The following FLG2 variants were observed in gnomAD, a reference collection of about 807,000 sequenced individuals.
The protein encoded by FLG2 is filaggrin 2.
Under a neutral mutation model 3.9 loss-of-function variants are expected in FLG2, and 7 were observed. That is an observed-to-expected ratio of 1.79 (90% confidence interval 1.02 to 3.36). FLG2 has a LOEUF of 3.36. FLG2 is among the 30% of genes most tolerant of loss of function. The pLI is 0.00. For missense variants in FLG2, 2,700 were observed against 2,809.4 expected (o/e 0.96, Z 0.88); for synonymous variants, 1,031 against 1,056.1 (o/e 0.98, Z 0.46).
rs146476481 is a variant in FLG2 at position 152,352,505 on chromosome 1, A to G, written c.5281T>C (p.Ser1761Pro). ...QARSQHGESE[S>P]IVHERHGTIH... is the part of the protein sequence containing the mutation. Reference sequence around the variant, plus strand: ...GTTCCATGTCTCTCATGAACTATGGATTCTGACTCTCCATGTTGAGATCTG... The same window carrying G: ...GTTCCATGTCTCTCATGAACTATGGGTTCTGACTCTCCATGTTGAGATCTG... Residue 1761 changes from serine to proline, a missense_variant, in exon 3 of 3, where the codon TCC becomes CCC. Coordinates refer to ENST00000388718, the MANE Select transcript of FLG2 (RefSeq NM_001014342.3). 6.1e-5 allele frequency: 99 copies of G among 1,612,504 alleles called. No homozygotes were observed. Among genetic ancestry groups the G allele is most frequent in the Non-Finnish European group, 7.5e-5 (89 of 1,179,732 alleles).
chr1:152,355,790 A>T lies in FLG2; in HGVS notation c.1996T>A (p.Ser666Thr). The change falls in exon 3 of 3, where the codon TCT becomes ACT. Residue 666 changes from serine to threonine, a missense_variant. Physicochemically the swap from Ser to Thr is moderately conservative, Grantham distance 58. Coordinates refer to ENST00000388718, the MANE Select transcript of FLG2 (RefSeq NM_001014342.3). ...GQYGSGSGQS[S>T]GFGQHVSGSG... The stretch of plus-strand genomic sequence containing the variant: ...CCAGAAACATGTTGTCCAAAGCCAG[A>T]GGACTGACCTGAGCCTGATCCATAT... 1 of 1,613,168 alleles carries T rather than the reference A, an allele frequency of 6.2e-7. No homozygotes were observed. The highest frequency in any genetic ancestry group is 8.5e-7 in the Non-Finnish European group (1 of 1,179,834).
At position 152,356,292 on chromosome 1, in the gene FLG2, G is replaced by A. The variant is rs749004989; in HGVS notation, c.1494C>T (p.Gly498=). 46 of 1,613,732 alleles carry A rather than the reference G, an allele frequency of 2.9e-5. No individual in the cohort carries two copies. The highest frequency in any genetic ancestry group is 3.9e-5 in the Non-Finnish European group (46 of 1,179,970). ...GTCCAAAGCCAGAGGACTGACCTGA[G>A]CCTGACCCACATTGTCCAAAGCCAG... is the stretch of plus-strand genomic sequence containing the variant. The part of the protein sequence containing the change: ...QSSGFGQCGS[G]SGQSSGFGQH... Residue 498 remains glycine, a synonymous_variant, in exon 3 of 3, where the codon GGC becomes GGT. Coordinates refer to ENST00000388718, the MANE Select transcript of FLG2 (RefSeq NM_001014342.3).
intron 2 of FLG2, 102 bp from the exon 3 acceptor site, chr1:152,357,749 T>G (rs1183041422): frequency 4.8e-6 from 4 of 831,084 alleles, no homozygotes; most frequent in African/African-American, 1.7e-5. Context: ...TTTGACATGA[T>G]GTAGTTTTAG....
At position 152,351,506 on chromosome 1, in the gene FLG2, C is replaced by A. The variant is rs1438899070; in HGVS notation, c.6280G>T (p.Gly2094Trp). 2 of 1,612,182 alleles carry A rather than the reference C, an allele frequency of 1.2e-6. No individual in the cohort carries two copies. Among genetic ancestry groups the A allele is most frequent in the Admixed American group, 1.7e-5 (1 of 59,818 alleles). The change falls in exon 3 of 3, where the codon GGG (glycine) becomes TGG (tryptophan). Residue 2094 changes from glycine to tryptophan, a missense_variant. Coordinates refer to ENST00000388718, the MANE Select transcript of FLG2 (RefSeq NM_001014342.3). ...CCCCTTCTTCCAGCTGTCCTTGACC[C>A]TCTCTGTGTGGACTGTCCATGACCA... ...HSGHGQSTQR[G>W]SRTAGRRGSG...
Position 152,356,304 on chromosome 1 carries a change from T to C in FLG2, c.1482A>G (p.Gln494=), listed in dbSNP as rs771722326. The change falls in exon 3 of 3, where the codon CAA becomes CAG. Residue 494 remains glutamine (Q), a synonymous_variant. Coordinates refer to ENST00000388718, the MANE Select transcript of FLG2 (RefSeq NM_001014342.3). ...AGGACTGACCTGAGCCTGACCCACA[T>C]TGTCCAAAGCCAGAGGACTGACCTG... ...SGSGQSSGFG[Q]CGSGSGQSSG... is the part of the protein sequence containing the mutation. 2.5e-6 allele frequency: 4 copies of C among 1,613,952 alleles called. No individual in the cohort carries two copies. The highest frequency in any genetic ancestry group is 2.2e-5 in the South Asian group (2 of 91,060).
rs1654216282 is a variant in FLG2 at position 152,356,042 on chromosome 1, G to T, written c.1744C>A (p.Gln582Lys). The T allele has an allele frequency of 6.2e-7, 1 of 1,613,674 alleles. No individual in the cohort carries two copies. The highest frequency in any genetic ancestry group is 8.5e-7 in the Non-Finnish European group (1 of 1,179,952). ...GACTGACCTGAGCCCGATCCATATT[G>T]GCCAAAGCCAGTGGATTGACCTGAG... Reference protein sequence around the residue: ...LGSGQSTGFGQYGSGSGQSSG... With the variant: ...LGSGQSTGFGKYGSGSGQSSG... The change falls in exon 3 of 3, where the codon CAA becomes AAA. Residue 582 changes from glutamine (Q) to lysine (K), a missense_variant. Gln to Lys is a moderately conservative substitution (Grantham distance 53). Transcript: ENST00000388718.
At position 152,357,370 on chromosome 1, in the gene FLG2, T is replaced by G; in HGVS notation, c.416A>C (p.Glu139Ala). 2 of 1,614,162 alleles carry G rather than the reference T, an allele frequency of 1.2e-6. No homozygotes were observed. Among genetic ancestry groups the G allele is most frequent in the Non-Finnish European group, 1.7e-6 (2 of 1,180,030 alleles). The change falls in exon 3 of 3, where the codon GAG (glutamate) becomes GCG (alanine). Residue 139 changes from glutamate (E) to alanine (A), a missense_variant. Coordinates refer to ENST00000388718, the MANE Select transcript of FLG2 (RefSeq NM_001014342.3). ...TGAGTGCCCAGAACTATATCCATGC[T>G]CCTCTCCCTCACTCCAACTTGAATG... ...YRHSSWSEGE[E>A]HGYSSGHSRG...
chr1:152,358,871 A>G lies in FLG2; in HGVS notation c.14T>C (p.Leu5Ser). The G allele has an allele frequency of 1.2e-6, 2 of 1,612,812 alleles. No homozygotes were observed. Among genetic ancestry groups the G allele is most frequent in the South Asian group, 2.2e-5 (2 of 90,656 alleles). MTDL[L>S]RSVVTVIDVF... ...ATCAATTACGGTGACAACACTTCTC[A>G]AGAGGTCGGTCATCTTTTTGCAAGT... The change falls in exon 2 of 3, where the codon TTG becomes TCG. Residue 5 changes from leucine (L) to serine (S), a missense_variant. By Grantham distance (145) the Leu-to-Ser change is moderately radical. Coordinates refer to ENST00000388718, the MANE Select transcript of FLG2 (RefSeq NM_001014342.3).
At position 152,358,828 on chromosome 1, in the gene FLG2, G is replaced by A; in HGVS notation, c.57C>T (p.Thr19=). The change falls in exon 2 of 3, where the codon ACC becomes ACT. Residue 19 remains threonine (T), a synonymous_variant. Coordinates refer to ENST00000388718, the MANE Select transcript of FLG2 (RefSeq NM_001014342.3). ...GTGTGCCACACTCCCCATCTTGCTT[G>A]GTGTATTTGTAGAAAACATCAATTA... ...VTVIDVFYKY[T]KQDGECGTLS... 6.2e-7 allele frequency: 1 copy of A among 1,613,884 alleles called. No individual in the cohort carries two copies. Among genetic ancestry groups the A allele is most frequent in the Non-Finnish European group, 8.5e-7 (1 of 1,179,870 alleles).
Position 152,356,227 on chromosome 1 carries a change from T to C in FLG2, c.1559A>G (p.Gln520Arg), listed in dbSNP as rs770734068. The change falls in exon 3 of 3, where the codon CAG (glutamine) becomes CGG (arginine). Residue 520 changes from glutamine (Q) to arginine (R), a missense_variant. Physicochemically the swap from Gln to Arg is conservative, Grantham distance 43. Transcript: ENST00000388718. ...GGATTGTCCTGAGACAGACCCATGCTGTCCAAAACCAGAGGATTGTCCTGA... is the reference window on the plus strand; with the variant it reads ...GGATTGTCCTGAGACAGACCCATGCCGTCCAAAACCAGAGGATTGTCCTGA... ...SVSGQSSGFGQHGSVSGQSSG... is the reference protein window; with the variant it reads ...SVSGQSSGFGRHGSVSGQSSG... 2.2e-5 allele frequency: 36 copies of C among 1,614,090 alleles called. No homozygotes were observed. In the East Asian group the frequency reaches 6.9e-4, roughly 31 times the overall value.
chr1:152,358,929 C>A (rs1469873609), intron 1 of FLG2, 23 bp from the exon 2 acceptor site: 1 of 1,571,524 alleles, frequency 6.4e-7, no homozygotes, highest in Non-Finnish European at 8.6e-7. Flanking sequence ...AAACAAAGAA[C>A]CCTATTATTC....
chr1:152,356,832 C>A lies in FLG2; in HGVS notation c.954G>T (p.Gln318His). The A allele has an allele frequency of 6.2e-7, 1 of 1,614,224 alleles. No individual in the cohort carries two copies. The highest frequency in any genetic ancestry group is 8.5e-7 in the Non-Finnish European group (1 of 1,180,042). Residue 318 changes from glutamine to histidine, a missense_variant, in exon 3 of 3, where the codon CAG (glutamine) becomes CAT (histidine). Gln to His is a conservative substitution (Grantham distance 24, BLOSUM62 0). Coordinates refer to ENST00000388718, the MANE Select transcript of FLG2 (RefSeq NM_001014342.3). ...GGCCTTGTCCTCCCTTAATTCCTGACTGACAGCCTGACTGAATATAGCTAA... is the reference window on the plus strand; with the variant it reads ...GGCCTTGTCCTCCCTTAATTCCTGAATGACAGCCTGACTGAATATAGCTAA... ...NQFSYIQSGCQSGIKGGQGHG... is the reference protein window; with the variant it reads ...NQFSYIQSGCHSGIKGGQGHG...
rs574380785 is a variant in FLG2, at chr1:152,354,739, C to A, written c.3047G>T (p.Gly1016Val). The change falls in exon 3 of 3, where the codon GGG becomes GTG. Residue 1016 changes from glycine (G) to valine (V), a missense_variant. By Grantham distance (109) the Gly-to-Val change is moderately radical. Coordinates refer to ENST00000388718, the MANE Select transcript of FLG2 (RefSeq NM_001014342.3). ...SSQSSGYGQH[G>V]SSSGQTTGFG... ...GCCAGTTGTCTGTCCTGAACTAGAC[C>A]CATGTTGACCATAGCCAGATGACTG... 5 of 1,613,438 alleles carry A rather than the reference C, an allele frequency of 3.1e-6. No homozygotes were observed. In the African/African-American group the frequency reaches 6.7e-5, roughly 22 times the overall value.
chr1:152,356,068 C>T lies in FLG2; in HGVS notation c.1718G>A (p.Gly573Asp). 2 of 1,613,732 alleles carry T rather than the reference C, an allele frequency of 1.2e-6. No homozygotes were observed. Among genetic ancestry groups the T allele is most frequent in the Non-Finnish European group, 8.5e-7 (1 of 1,179,972 alleles). The change falls in exon 3 of 3, where the codon GGC (glycine) becomes GAC (aspartate). Residue 573 changes from glycine to aspartate, a missense_variant. Physicochemically the swap from Gly to Asp is moderately conservative, Grantham distance 94. Transcript: ENST00000388718. ...ETSGFGQHGL[G>D]SGQSTGFGQY... ...GCCAAAGCCAGTGGATTGACCTGAGCCCAACCCATGTTGTCCAAAGCCAGA... is the reference window on the plus strand; with the variant it reads ...GCCAAAGCCAGTGGATTGACCTGAGTCCAACCCATGTTGTCCAAAGCCAGA...
At position 152,351,074 on chromosome 1, in the gene FLG2, C is replaced by T. The variant is rs771470289; in HGVS notation, c.6712G>A (p.Gly2238Arg). The T allele has an allele frequency of 1.9e-6, 3 of 1,613,498 alleles. No individual in the cohort carries two copies. Among genetic ancestry groups the T allele is most frequent in the South Asian group, 1.1e-5 (1 of 91,036 alleles). ...DTTRHAHYGY[G>R]QSTQRGSRTT... Reference sequence around the variant, plus strand: ...CTGGACCCTCTCTGTGTGGATTGTCCATAACCATAGTGGGCATGTCTAGTG... The same window carrying T: ...CTGGACCCTCTCTGTGTGGATTGTCTATAACCATAGTGGGCATGTCTAGTG... The change falls in exon 3 of 3, where the codon GGA becomes AGA. Residue 2238 changes from glycine to arginine, a missense_variant. Coordinates refer to ENST00000388718, the MANE Select transcript of FLG2 (RefSeq NM_001014342.3).
In FLG2 at chr1:152,350,897, T is replaced by A; in HGVS notation, c.6889A>T (p.Thr2297Ser). 1 of 1,613,778 alleles carries A rather than the reference T, an allele frequency of 6.2e-7. No individual in the cohort carries two copies. The highest frequency in any genetic ancestry group is 1.1e-5 in the South Asian group (1 of 91,048). Residue 2297 changes from threonine to serine, a missense_variant, in exon 3 of 3, where the codon ACT becomes TCT. Thr to Ser is a moderately conservative substitution (Grantham distance 58). Coordinates refer to ENST00000388718, the MANE Select transcript of FLG2 (RefSeq NM_001014342.3). ...GSTVHGRLET[T>S]HGQTGDTTRH... The stretch of plus-strand genomic sequence containing the variant: ...GTGGTATCTCCTGTCTGTCCATGAG[T>A]AGTTTCCAGTCTCCCATGAACTGTG...
Position 152,356,021 on chromosome 1 carries a change from G to A in FLG2, c.1765C>T (p.Gln589Ter). The A allele has an allele frequency of 1.2e-6, 2 of 1,613,624 alleles. No individual in the cohort carries two copies. Among genetic ancestry groups the A allele is most frequent in the Non-Finnish European group, 1.7e-6 (2 of 1,179,876 alleles). ...GFGQYGSGSG[Q>*]SSGFGQHGSG... is the part of the protein sequence containing the mutation. Reference sequence around the variant, plus strand: ...CCATGTTGTCCAAAGCCAGAGGACTGACCTGAGCCCGATCCATATTGGCCA... The same window carrying A: ...CCATGTTGTCCAAAGCCAGAGGACTAACCTGAGCCCGATCCATATTGGCCA... The change falls in exon 3 of 3, where the codon CAG (glutamine) becomes TAG (stop). Residue 589 changes from glutamine (Q) to a stop codon, truncating the protein, a stop_gained. Transcript: ENST00000388718. LOFTEE classifies it low-confidence loss of function (END_TRUNC).
At position 152,352,714 on chromosome 1, in the gene FLG2, C is replaced by A. The variant is rs1185008423; in HGVS notation, c.5072G>T (p.Arg1691Ile). Residue 1691 changes from arginine to isoleucine, a missense_variant, in exon 3 of 3, where the codon AGA (arginine) becomes ATA (isoleucine). Physicochemically the swap from Arg to Ile is moderately conservative, Grantham distance 97. Transcript: ENST00000388718. Reference sequence around the variant, plus strand: ...TGTCTGTCCATGAGTAGTTCCATGTCTCTCAGGAACTATGGATTCTGACTG... The same window carrying A: ...TGTCTGTCCATGAGTAGTTCCATGTATCTCAGGAACTATGGATTCTGACTG... ...HGQSESIVPERHGTTHGQTGD... is the reference protein window; with the variant it reads ...HGQSESIVPEIHGTTHGQTGD... The A allele has an allele frequency of 6.2e-7, 1 of 1,613,778 alleles. No individual in the cohort carries two copies.
At position 152,355,048 on chromosome 1, in the gene FLG2, T is replaced by A. The variant is rs745342626; in HGVS notation, c.2738A>T (p.His913Leu). ...GSGQYSGFGQ[H>L]ESRSHQSSYG... ...GCTAGACTGATGTGATCTAGACTCA[T>A]GTTGTCCAAAACCAGAGTATTGTCC... is the stretch of plus-strand genomic sequence containing the variant. The change falls in exon 3 of 3, where the codon CAT (histidine) becomes CTT (leucine). Residue 913 changes from histidine to leucine, a missense_variant. Physicochemically the swap from His to Leu is moderately conservative, Grantham distance 99. Coordinates refer to ENST00000388718, the MANE Select transcript of FLG2 (RefSeq NM_001014342.3). 5.7e-5 allele frequency: 89 copies of A among 1,552,632 alleles called. 11 individuals carry two copies. Among genetic ancestry groups the A allele is most frequent in the Non-Finnish European group, 7.6e-5 (88 of 1,150,480 alleles).
Sources: gnomAD v4.1 joint callset for allele counts on GRCh38, gnomAD v4.1.1 for gene constraint, MANE v1.5 for transcripts, NCBI Gene and HGNC (gene_info 2026-07-23, HGNC 2026-07-21) for gene names.